Variants in STXBP5 observed in about 807,000 individuals in gnomAD.
STXBP5 encodes the protein syntaxin binding protein 5.
In STXBP5, 50 loss-of-function variants were observed where a neutral mutation model predicts 152.4. The observed-to-expected ratio is 0.33, with a 90% CI of 0.26 to 0.42. The LOEUF is 0.42. STXBP5 is among the 10% of genes least tolerant of loss of function. The probability of loss-of-function intolerance (pLI) is 1.00; values close to 1 mark genes in which losing one functional copy is unlikely to be tolerated. For missense variants in STXBP5, 1,167 were observed against 1,388.6 expected (o/e 0.84, Z 2.54); for synonymous variants, 492 against 494.7 (o/e 0.99, Z 0.07).
At chr6:147,223,977 C>T (rs1305126844) in intron 2 of STXBP5, among the ~76,000 whole-genome samples, 1 of 152,164 alleles carries the variant, frequency 6.6e-6, no homozygotes, top group Admixed American at 6.5e-5. Flanking sequence ...GGAGACAGGG[C>T]TGTGAAACTG....
rs1279210332 is a variant in STXBP5, at chr6:147,238,199, A to AG, written c.331-970dup. Among the ~76,000 whole-genome samples the AG allele has an allele frequency of 2.6e-5, 4 of 152,296 alleles. No homozygotes were observed. The East Asian group carries it at 7.7e-4, about 29-fold the overall frequency. On this transcript the variant is annotated intron_variant, in intron 3 of 27. Transcript: ENST00000321680. ...CTGGAGGCTGGGAAGTCTAAGACTGAGCAGCTGCATCTGGCTGACTTCTGG... is the reference window on the plus strand; with the variant it reads ...CTGGAGGCTGGGAAGTCTAAGACTGAGGCAGCTGCATCTGGCTGACTTCTGG...
intron 4 of STXBP5, among the ~76,000 whole-genome samples, chr6:147,247,720 G>T (rs796787372): frequency 2.0e-5 from 3 of 152,104 alleles, no homozygotes; most frequent in Admixed American, 6.5e-5. Context: ...TTTTGTCCTT[G>T]TTTAACGTGT....
intron 7 of STXBP5, among the ~76,000 whole-genome samples, chr6:147,272,325 C>T (rs1158746948): frequency 2.0e-5 from 3 of 152,146 alleles, no homozygotes; most frequent in Non-Finnish European, 4.4e-5. Context: ...CCTTGGTGAA[C>T]ACAGATGCCT....
At chr6:147,281,157 A>C (rs1410752246) in intron 8 of STXBP5, among the ~76,000 whole-genome samples, 1 of 152,178 alleles carries the variant, frequency 6.6e-6, no homozygotes, top group African/African-American at 2.4e-5. Flanking sequence ...CCCAGGTTCA[A>C]GCGATTCTCC....
At chr6:147,224,797 G>C (rs1777629207) in intron 2 of STXBP5, among the ~76,000 whole-genome samples, 1 of 152,098 alleles carries the variant, frequency 6.6e-6, no homozygotes, top group African/African-American at 2.4e-5. Context: ...CAAAATAAAG[G>C]ACAGTATTGG....
intron 22 of STXBP5, among the ~76,000 whole-genome samples, chr6:147,357,976 G>A (rs1055977098): frequency 2.6e-5 from 4 of 152,088 alleles, no homozygotes; most frequent in Middle Eastern, 3.2e-3. Flanking sequence ...TAGCAACAAG[G>A]GAAGGTAGCT....
chr6:147,370,384 C>G (rs965636478), intron 25 of STXBP5, among the ~76,000 whole-genome samples: 36 of 151,820 alleles, frequency 2.4e-4, no homozygotes, highest in African/African-American at 8.5e-4. Context: ...CAAATATATG[C>G]CAGTTTTTGT....
At chr6:147,233,188 C>T (rs1451762345) in intron 2 of STXBP5, among the ~76,000 whole-genome samples, 3 of 151,748 alleles carry the variant, frequency 2.0e-5, no homozygotes, top group Admixed American at 6.6e-5. Context: ...GTTTGAAAGA[C>T]TTCATGAAGG....
chr6:147,327,729 AC>A (rs1328126210), intron 18 of STXBP5, among the ~76,000 whole-genome samples: 5 of 152,212 alleles, frequency 3.3e-5, no homozygotes, highest in African/African-American at 1.2e-4. Context: ...GGCGTGAGGC[AC>A]CACACCCAGC....
intron 4 of STXBP5, among the ~76,000 whole-genome samples, chr6:147,256,011 C>T (rs1050342229): frequency 1.3e-5 from 2 of 152,104 alleles, no homozygotes; most frequent in Admixed American, 1.3e-4. Context: ...ATATTTTACA[C>T]ATAAGAGGAT....
At chr6:147,245,478 T>C (rs1582834835) in intron 4 of STXBP5, among the ~76,000 whole-genome samples, 1 of 152,300 alleles carries the variant, frequency 6.6e-6, no homozygotes, top group Admixed American at 6.5e-5. Flanking sequence ...AATTTGCCGA[T>C]AGTAGTAGCT....
chr6:147,340,050 C>A, intron 21 of STXBP5, among the ~76,000 whole-genome samples: 1 of 151,872 alleles, frequency 6.6e-6, no homozygotes, highest in Non-Finnish European at 1.5e-5. Flanking sequence ...AGATGTTCTC[C>A]AAAGATTTTT....
At chr6:147,342,677 G>C (rs1784146638) in intron 21 of STXBP5, among the ~76,000 whole-genome samples, 1 of 151,810 alleles carries the variant, frequency 6.6e-6, no homozygotes. Flanking sequence ...TTATTTACTT[G>C]TTATTTGTTT....
chr6:147,232,252 A>G (rs1461469956), intron 2 of STXBP5, among the ~76,000 whole-genome samples: 1 of 151,762 alleles, frequency 6.6e-6, no homozygotes, highest in Non-Finnish European at 1.5e-5. Flanking sequence ...ACAAATAAGT[A>G]AATAAGTAAT....
At chr6:147,291,574 T>C (rs537104379) in intron 9 of STXBP5, among the ~76,000 whole-genome samples, 19 of 152,256 alleles carry the variant, frequency 1.2e-4, no homozygotes, top group Non-Finnish European at 2.6e-4. Flanking sequence ...TTAAATCTTA[T>C]ATGAGTATCT....
At chr6:147,260,474 A>T in intron 4 of STXBP5, 141 bp from the exon 5 acceptor site, 2 of 882,656 alleles carry the variant, frequency 2.3e-6, no homozygotes, top group Non-Finnish European at 3.5e-6. Flanking sequence ...ATTAAATATT[A>T]GTCACAATGA....
chr6:147,213,804 A>G (rs1263308929), intron 2 of STXBP5, among the ~76,000 whole-genome samples: 1 of 152,170 alleles, frequency 6.6e-6, no homozygotes, highest in Non-Finnish European at 1.5e-5. Flanking sequence ...TGACCTAAAC[A>G]GATGTTTATC....
At chr6:147,276,518 C>G (rs1780449638) in intron 7 of STXBP5, among the ~76,000 whole-genome samples, 2 of 152,038 alleles carry the variant, frequency 1.3e-5, no homozygotes, top group Admixed American at 1.3e-4. Context: ...TATTTATATA[C>G]ATGATATACA....
intron 4 of STXBP5, among the ~76,000 whole-genome samples, chr6:147,257,882 G>T (rs1016843117): frequency 1.3e-5 from 2 of 152,120 alleles, no homozygotes; most frequent in Non-Finnish European, 2.9e-5. Context: ...ACCTGGGTCG[G>T]CTCAGCAGGA....
Sources: allele counts gnomAD v4.1 joint callset (sites outside exome capture counted in the v4.1 genomes callset), GRCh38; gene constraint gnomAD v4.1.1; transcripts MANE v1.5; gene names NCBI Gene and HGNC (gene_info 2026-07-23, HGNC 2026-07-21).